The following TTC28 variants were observed in gnomAD, a reference collection of about 807,000 sequenced individuals.
TTC28 encodes the protein tetratricopeptide repeat domain 28.
Under a neutral mutation model 198.0 loss-of-function variants are expected in TTC28, and 61 were observed. That is an observed-to-expected ratio of 0.31 (90% CI 0.25 to 0.38). TTC28 has a LOEUF of 0.38. TTC28 is among the 10% of genes least tolerant of loss of function. The pLI, the probability that TTC28 is intolerant of heterozygous loss-of-function variation, is 1.00. For missense variants in TTC28, 2,678 were observed against 3,164.0 expected, an observed-to-expected ratio of 0.85 and a Z score of 3.69; for synonymous variants, 1,171 against 1,297.8, an observed-to-expected ratio of 0.90 and a Z score of 2.10.
chr22:28,354,716 A>G (rs2046048382), intron 2 of TTC28, among the ~76,000 whole-genome samples: 1 of 152,226 alleles, frequency 6.6e-6, no homozygotes, highest in African/African-American at 2.4e-5. Context: ...TAAAAGAACA[A>G]ACAAGAAAGC....
intron 2 of TTC28, among the ~76,000 whole-genome samples, chr22:28,397,201 G>A (rs867035064): frequency 2.0e-5 from 3 of 152,230 alleles, no homozygotes; most frequent in Middle Eastern, 3.4e-3. Flanking sequence ...AAAGAGACAA[G>A]GGAACAAACA....
chr22:28,086,949 A>C lies in TTC28; in HGVS notation c.3932+7131T>G, dbSNP rs541714563. On this transcript the variant is annotated intron_variant, in intron 12 of 22. Transcript: ENST00000397906. Reference sequence around the variant, plus strand: ...ATTCCTCGACACATACACCCTCCCAAGACTAAACCAGGAAGAAGTTGAATA... The same window carrying C: ...ATTCCTCGACACATACACCCTCCCACGACTAAACCAGGAAGAAGTTGAATA... 3.9e-5 allele frequency among the ~76,000 whole-genome samples: 6 copies of C among 152,308 alleles called. 1 individual carries two copies. In the South Asian group the frequency reaches 1.2e-3, roughly 32 times the overall value.
chr22:28,379,191 A>G (rs1186552924), intron 2 of TTC28, among the ~76,000 whole-genome samples: 1 of 152,198 alleles, frequency 6.6e-6, no homozygotes, highest in Non-Finnish European at 1.5e-5. Context: ...TTTCAGACAT[A>G]TAAAAGCTGA....
chr22:28,515,401 A>AT (rs1204623915), intron 2 of TTC28, among the ~76,000 whole-genome samples: 2 of 151,848 alleles, frequency 1.3e-5, no homozygotes, highest in East Asian at 1.9e-4. Flanking sequence ...ACATCAAATT[A>AT]TTTTTTTTCC....
chr22:28,160,986 T>C (rs1601404831), intron 6 of TTC28, among the ~76,000 whole-genome samples: 1 of 152,166 alleles, frequency 6.6e-6, no homozygotes, highest in Admixed American at 6.5e-5. Flanking sequence ...CAACTACTGA[T>C]ACTGATTAGG....
chr22:28,309,450 T>C (rs1449131891), intron 2 of TTC28, among the ~76,000 whole-genome samples: 2 of 152,206 alleles, frequency 1.3e-5, no homozygotes, highest in East Asian at 1.9e-4. Context: ...CAGCCACCCA[T>C]AGGCTTGCCA....
At chr22:28,384,731 A>G (rs1022212334) in intron 2 of TTC28, among the ~76,000 whole-genome samples, 2 of 152,072 alleles carry the variant, frequency 1.3e-5, no homozygotes, top group Non-Finnish European at 2.9e-5. Flanking sequence ...CATTTCCACT[A>G]CCACTGCTAG....
intron 14 of TTC28, chr22:28,002,339 GCC>G (rs954205177): frequency 6.6e-6 from 1 of 152,370 alleles, no homozygotes; most frequent in Non-Finnish European, 1.5e-5. Context: ...CCCAGAGCCT[GCC>G]AAGAAGGTCC....
intron 5 of TTC28, among the ~76,000 whole-genome samples, chr22:28,191,651 C>A (rs62237579): frequency 0.013 from 1,962 of 152,368 alleles, 12 homozygotes; most frequent in Non-Finnish European, 0.02. Context: ...TATTCCACAC[C>A]TGGCTCAGAG....
intron 14 of TTC28, chr22:28,002,643 C>T (rs1404510279): frequency 6.6e-6 from 1 of 152,136 alleles, no homozygotes; most frequent in Non-Finnish European, 1.5e-5. Context: ...TTTCTAGCTC[C>T]ATCTAGCGAA....
chr22:28,039,528 G>T, intron 12 of TTC28, among the ~76,000 whole-genome samples: 1 of 151,786 alleles, frequency 6.6e-6, no homozygotes. Context: ...TGTTGGGTGG[G>T]GGGAGGTGGG....
At chr22:28,533,045 A>G (rs1448149633) in intron 2 of TTC28, among the ~76,000 whole-genome samples, 3 of 152,208 alleles carry the variant, frequency 2.0e-5, no homozygotes, top group Non-Finnish European at 4.4e-5. Context: ...TAGTGTTGGA[A>G]GTTCTGGCCA....
intron 19 of TTC28, 78 bp downstream of exon 19, chr22:27,992,509 A>G: frequency 6.9e-7 from 1 of 1,459,420 alleles, no homozygotes; most frequent in Non-Finnish European, 9.3e-7. Context: ...ACAGGTTCCT[A>G]TTTAGGGCCA....
chr22:28,601,312 T>C (rs2050635394), intron 2 of TTC28, among the ~76,000 whole-genome samples: 1 of 152,194 alleles, frequency 6.6e-6, no homozygotes, highest in South Asian at 2.1e-4. Context: ...CACTCCTTCA[T>C]GAAATAACAA....
intron 1 of TTC28, among the ~76,000 whole-genome samples, chr22:28,652,470 T>C (rs2051579926): frequency 6.6e-6 from 1 of 152,218 alleles, no homozygotes; most frequent in Admixed American, 6.5e-5. Flanking sequence ...AAAATCTCAA[T>C]AATCTTAGTC....
intron 2 of TTC28, among the ~76,000 whole-genome samples, chr22:28,364,487 A>G (rs531330286): frequency 6.6e-6 from 1 of 152,346 alleles, no homozygotes; most frequent in South Asian, 2.1e-4. Flanking sequence ...GTGAGGTTAT[A>G]GTTGCCATAG....
At chr22:28,248,147 G>A (rs1429861797) in intron 5 of TTC28, among the ~76,000 whole-genome samples, 3 of 152,200 alleles carry the variant, frequency 2.0e-5, no homozygotes, top group African/African-American at 7.2e-5. Flanking sequence ...CAGTAAGGCT[G>A]GGGACAGAGA....
chr22:28,277,192 C>G (rs2044488637), intron 5 of TTC28, among the ~76,000 whole-genome samples: 1 of 152,070 alleles, frequency 6.6e-6, no homozygotes, highest in Non-Finnish European at 1.5e-5. Flanking sequence ...AGCGAGTCTG[C>G]AGAAGAATAT....
chr22:28,281,481 A>C (rs1229515370), intron 5 of TTC28, among the ~76,000 whole-genome samples: 1 of 152,086 alleles, frequency 6.6e-6, no homozygotes, highest in Non-Finnish European at 1.5e-5. Context: ...TCCACTCTTT[A>C]TAAGCATATT....
Sources: gnomAD v4.1 joint callset for allele counts (sites outside exome capture counted in the v4.1 genomes callset) on GRCh38, gnomAD v4.1.1 for gene constraint, MANE v1.5 for transcripts, NCBI Gene and HGNC (gene_info 2026-07-23, HGNC 2026-07-21) for gene names.